PRKCE: variants seen among roughly 807,000 people sequenced by gnomAD.
The protein encoded by PRKCE is protein kinase C epsilon type.
PRKCE carries 16 observed loss-of-function variants against 85.4 expected under a neutral mutation model. The observed-to-expected ratio is 0.19, with a 90% CI of 0.13 to 0.28. PRKCE has a LOEUF of 0.28. Among genes scored for constraint, PRKCE ranks in the 10% least tolerant of loss-of-function variants. PRKCE has a pLI of 1.00. For synonymous variants in PRKCE, 388 were observed against 371.5 expected, an observed-to-expected ratio of 1.04 and a Z score of -0.51; for missense variants, 573 against 975.2, an observed-to-expected ratio of 0.59 and a Z score of 5.49.
intron 1 of PRKCE, among the ~76,000 whole-genome samples, chr2:45,743,103 C>G (rs975732917): frequency 1.3e-5 from 2 of 152,064 alleles, no homozygotes; most frequent in Admixed American, 1.3e-4. Flanking sequence ...TTGCCAGGGG[C>G]TGGGTGGGGA....
At chr2:45,708,532 G>C (rs1271034437) in intron 1 of PRKCE, among the ~76,000 whole-genome samples, 2 of 152,236 alleles carry the variant, frequency 1.3e-5, no homozygotes, top group African/African-American at 4.8e-5. Flanking sequence ...TTTGACTGCT[G>C]TTGTCCATGT....
rs1431141241 is a variant in PRKCE at position 45,905,759 on chromosome 2, A to G, written c.412+62696A>G. Among the ~76,000 whole-genome samples the G allele has an allele frequency of 6.6e-5, 10 of 152,222 alleles. No homozygotes were observed. The highest frequency in any genetic ancestry group is 1.0e-4 in the Non-Finnish European group (7 of 68,042). The stretch of plus-strand genomic sequence containing the variant: ...CTGAAGGGTAAATGGAGACCGGCCC[A>G]TGCTCTTTATAGTCCCTGAACACAC... On this transcript the variant is annotated intron_variant, in intron 2 of 14. Coordinates refer to ENST00000306156, the MANE Select transcript of PRKCE (RefSeq NM_005400.3). This position sits in a 1 kb window ranked among gnomAD's most constrained non-coding sequence, Gnocchi z 4.4.
intron 1 of PRKCE, among the ~76,000 whole-genome samples, chr2:45,799,112 C>G (rs1329834283): frequency 6.6e-6 from 1 of 151,528 alleles, no homozygotes; most frequent in Admixed American, 6.6e-5. Flanking sequence ...CTTGCAGTAA[C>G]CTGAGATCGT....
At chr2:45,779,938 T>C (rs1489029607) in intron 1 of PRKCE, among the ~76,000 whole-genome samples, 1 of 152,224 alleles carries the variant, frequency 6.6e-6, no homozygotes, top group Non-Finnish European at 1.5e-5. Flanking sequence ...AGCTTCAACA[T>C]TTATCAATAC....
intron 2 of PRKCE, among the ~76,000 whole-genome samples, chr2:45,929,974 C>G (rs1373666313): frequency 6.6e-6 from 1 of 152,184 alleles, no homozygotes; most frequent in Non-Finnish European, 1.5e-5. Context: ...CAAATATATG[C>G]TTATTGAGTA....
intron 11 of PRKCE, among the ~76,000 whole-genome samples, chr2:46,092,787 C>A (rs1670301897): frequency 6.6e-6 from 1 of 152,148 alleles, no homozygotes; most frequent in Non-Finnish European, 1.5e-5. Flanking sequence ...GTCCTGCCAT[C>A]CTGCTAGTCA....
At chr2:45,728,519 T>C in intron 1 of PRKCE, among the ~76,000 whole-genome samples, 1 of 152,122 alleles carries the variant, frequency 6.6e-6, no homozygotes, top group East Asian at 1.9e-4. Context: ...GTGGTGCAAG[T>C]GCTATTGGGT....
At chr2:46,094,709 G>A (rs1277444352) in intron 11 of PRKCE, among the ~76,000 whole-genome samples, 1 of 151,898 alleles carries the variant, frequency 6.6e-6, no homozygotes, top group East Asian at 1.9e-4. Flanking sequence ...TAGGTGATGG[G>A]ATGATCTGTA....
intron 10 of PRKCE, among the ~76,000 whole-genome samples, chr2:46,025,604 G>A (rs1707044424): frequency 6.6e-6 from 1 of 152,140 alleles, no homozygotes; most frequent in Non-Finnish European, 1.5e-5. Flanking sequence ...ACACGCTCAT[G>A]TGCTCCCTCT....
chr2:45,939,940 A>T (rs1465029563), intron 2 of PRKCE, among the ~76,000 whole-genome samples: 1 of 152,200 alleles, frequency 6.6e-6, no homozygotes, highest in Non-Finnish European at 1.5e-5. Flanking sequence ...CCAGCCCCTC[A>T]CCATACTGGG....
chr2:46,056,539 T>C (rs979537333), intron 10 of PRKCE, among the ~76,000 whole-genome samples: 6 of 152,256 alleles, frequency 3.9e-5, no homozygotes, highest in Non-Finnish European at 8.8e-5. Context: ...AGGTATTGCG[T>C]TGATTAAGAT....
chr2:45,819,843 A>G lies in PRKCE; in HGVS notation c.349-23157A>G, dbSNP rs116594670. Among the ~76,000 whole-genome samples, 445 of 152,352 alleles carry G rather than the reference A, an allele frequency of 2.9e-3. 6 individuals carry two copies. The highest frequency in any genetic ancestry group is 0.01 in the African/African-American group (418 of 41,570). ...TCAGACAAAGCTGTCTGGGTAAATG[A>G]AGAACAATAGTAAGACTACAGTGAA... On this transcript the variant is annotated intron_variant, in intron 1 of 14. Transcript: ENST00000306156.
At chr2:45,858,053 A>C (rs1015009189) in intron 2 of PRKCE, among the ~76,000 whole-genome samples, 4 of 152,162 alleles carry the variant, frequency 2.6e-5, no homozygotes, top group African/African-American at 4.8e-5. Flanking sequence ...AAGGGATGAA[A>C]ATCAAGAACT....
intron 2 of PRKCE, among the ~76,000 whole-genome samples, chr2:45,942,227 T>C (rs1227537448): frequency 1.3e-5 from 2 of 152,202 alleles, no homozygotes; most frequent in Non-Finnish European, 2.9e-5. Flanking sequence ...GGCTGAATCG[T>C]TGTGCTAGTT....
chr2:46,027,103 A>T (rs1287839495), intron 10 of PRKCE, among the ~76,000 whole-genome samples: 1 of 152,176 alleles, frequency 6.6e-6, no homozygotes, highest in Non-Finnish European at 1.5e-5. Context: ...TAGGAAGTCA[A>T]GGCTGCAGTG....
intron 6 of PRKCE, among the ~76,000 whole-genome samples, chr2:45,999,415 A>G (rs537846490): frequency 6.6e-6 from 1 of 152,136 alleles, no homozygotes; most frequent in African/African-American, 2.4e-5. Context: ...TCTTGATGGC[A>G]TGGTTTCTGA....
chr2:45,681,053 G>A (rs1302905370), intron 1 of PRKCE, among the ~76,000 whole-genome samples: 2 of 152,112 alleles, frequency 1.3e-5, no homozygotes, highest in Non-Finnish European at 2.9e-5. Flanking sequence ...CACTTTGGGA[G>A]GCCGAGGTGG....
At position 46,145,114 on chromosome 2, in the gene PRKCE, C is replaced by A; in HGVS notation, c.1614C>A (p.Ile538=). The A allele has an allele frequency of 6.3e-7, 1 of 1,599,722 alleles. No individual in the cohort carries two copies. Among genetic ancestry groups the A allele is most frequent in the Non-Finnish European group, 8.5e-7 (1 of 1,179,950 alleles). The part of the protein sequence containing the change: ...VIYRDLKLDN[I]LLDAEGHCKL... ...GCAGGGATTTGAAACTGGACAACAT[C>A]CTTCTGGATGCAGAAGGTCACTGCA... The change falls in exon 12 of 15, where the codon ATC becomes ATA. Residue 538 remains isoleucine (I), a synonymous_variant. Coordinates refer to ENST00000306156, the MANE Select transcript of PRKCE (RefSeq NM_005400.3). This position sits in a 1 kb window ranked among gnomAD's most constrained non-coding sequence, Gnocchi z 4.6.
At chr2:45,916,166 A>G (rs1697755931) in intron 2 of PRKCE, among the ~76,000 whole-genome samples, 1 of 143,752 alleles carries the variant, frequency 7.0e-6, no homozygotes, top group African/African-American at 2.4e-5. Flanking sequence ...TTCCTTTAAA[A>G]TTTTCTAAAA....
Sources: gnomAD v4.1 joint callset for allele counts (sites outside exome capture counted in the v4.1 genomes callset) on GRCh38, gnomAD v4.1.1 for gene constraint, Gnocchi (gnomAD v3.1) non-coding constraint, MANE v1.5 for transcripts, NCBI Gene and HGNC (gene_info 2026-07-23, HGNC 2026-07-21) for gene names.